Variants in GLYATL2 observed in about 807,000 individuals in gnomAD.
The protein encoded by GLYATL2 is glycine N-acyltransferase-like protein 2.
Under a neutral mutation model 21.4 loss-of-function variants are expected in GLYATL2, and 25 were observed. That is an observed-to-expected ratio of 1.17 (90% CI 0.85 to 1.63). GLYATL2 has a LOEUF of 1.63. Among genes scored for constraint, GLYATL2 ranks in the 40% most tolerant of loss-of-function variants. The pLI is 0.00. For missense variants in GLYATL2, 361 were observed against 343.3 expected (o/e 1.05, Z -0.41); for synonymous variants, 114 against 118.2 (o/e 0.96, Z 0.23).
chr11:58,834,262 G>T lies in GLYATL2; in HGVS notation c.*167C>A. 1 of 472,160 alleles carries T rather than the reference G, an allele frequency of 2.1e-6. No homozygotes were observed. The highest frequency in any genetic ancestry group is 3.6e-6 in the Non-Finnish European group (1 of 278,146). The allele number at this position is 472,160 out of a possible 1,614,324, so 29.2% of individuals were successfully genotyped here. ...CATAAAATTGAGCTTCTAATTTTCTGTAAGAATACAGAGGAGAAGGAAGGT... is the reference window on the plus strand; with the variant it reads ...CATAAAATTGAGCTTCTAATTTTCTTTAAGAATACAGAGGAGAAGGAAGGT... On this transcript the variant is annotated 3_prime_UTR_variant, in exon 6 of 6. Transcript: ENST00000287275.
chr11:58,846,394 CTGGTTT>C (rs1853644877), upstream of GLYATL2, among the ~76,000 whole-genome samples: 2 of 152,114 alleles, frequency 1.3e-5, no homozygotes, highest in African/African-American at 4.8e-5. Context: ...CTCATAGTAC[CTGGTTT>C]TGACTTCATA....
chr11:58,881,131 C>G (rs1854325929), intron 1 of GLYATL2, among the ~76,000 whole-genome samples: 1 of 152,120 alleles, frequency 6.6e-6, no homozygotes, highest in Non-Finnish European at 1.5e-5. Flanking sequence ...AAAAAACTAA[C>G]ATATGTTAAA....
chr11:58,909,386 T>C, the GLYATL2 span, among the ~76,000 whole-genome samples: 4 of 152,146 alleles, frequency 2.6e-5, no homozygotes, highest in Admixed American at 1.3e-4. Flanking sequence ...TTATGTTAAG[T>C]GTTCTTATTA....
intron 1 of GLYATL2, chr11:58,892,942 G>C (rs1233034252): frequency 3.4e-6 from 1 of 296,760 alleles, no homozygotes; most frequent in Admixed American, 5.1e-5. Flanking sequence ...TTCCTTTCTT[G>C]TGATGAATAA....
At chr11:58,887,930 C>A (rs937833598) in intron 1 of GLYATL2, among the ~76,000 whole-genome samples, 1 of 152,110 alleles carries the variant, frequency 6.6e-6, no homozygotes, top group Non-Finnish European at 1.5e-5. Context: ...CAAAGGATTC[C>A]ACAGTTTTAT....
upstream of GLYATL2, among the ~76,000 whole-genome samples, chr11:58,904,541 A>C (rs1473658414): frequency 3.3e-5 from 5 of 152,366 alleles, no homozygotes; most frequent in East Asian, 9.6e-4. Flanking sequence ...AATGAAAAGA[A>C]GATCAAGTCT....
At chr11:58,899,495 G>A (rs1476372048) in intron 1 of GLYATL2, among the ~76,000 whole-genome samples, 1 of 152,214 alleles carries the variant, frequency 6.6e-6, no homozygotes, top group African/African-American at 2.4e-5. Context: ...GACAGAAGAT[G>A]ATGGAGGGAG....
At chr11:58,909,782 C>G in the GLYATL2 span, among the ~76,000 whole-genome samples, 2 of 152,128 alleles carry the variant, frequency 1.3e-5, no homozygotes, top group Admixed American at 1.3e-4. Context: ...CTCCATATTG[C>G]TGGTAAAAAT....
intron 1 of GLYATL2, among the ~76,000 whole-genome samples, chr11:58,885,226 G>A (rs942209924): frequency 2.0e-5 from 3 of 152,186 alleles, no homozygotes; most frequent in Non-Finnish European, 4.4e-5. Flanking sequence ...TAGCTCTTTG[G>A]TATCACAAGG....
intron 5 of GLYATL2, among the ~76,000 whole-genome samples, chr11:58,836,733 C>A (rs1039858513): frequency 6.6e-6 from 1 of 152,074 alleles, no homozygotes; most frequent in South Asian, 2.1e-4. Context: ...TTTTGTAAGA[C>A]ATAAATAGTT....
chr11:58,903,181 G>A (rs1330609758), intron 1 of GLYATL2, among the ~76,000 whole-genome samples: 1 of 152,162 alleles, frequency 6.6e-6, no homozygotes, highest in Non-Finnish European at 1.5e-5. Context: ...CAAGGAGCAG[G>A]GAAGCTCTGG....
intron 1 of GLYATL2, among the ~76,000 whole-genome samples, chr11:58,872,647 T>G (rs1392284342): frequency 6.6e-6 from 1 of 152,248 alleles, no homozygotes; most frequent in Non-Finnish European, 1.5e-5. Flanking sequence ...GATCTATGTC[T>G]CTGTTTTGGT....
intron 1 of GLYATL2, among the ~76,000 whole-genome samples, chr11:58,891,007 A>G (rs1441932256): frequency 6.6e-6 from 1 of 152,020 alleles, no homozygotes; most frequent in African/African-American, 2.4e-5. Context: ...TATTCTTTTT[A>G]TAATTCTTTG....
intron 5 of GLYATL2, among the ~76,000 whole-genome samples, chr11:58,835,652 G>C (rs968944721): frequency 6.6e-6 from 1 of 152,060 alleles, no homozygotes; most frequent in Non-Finnish European, 1.5e-5. Flanking sequence ...AGTTTTCTAC[G>C]GGCGATGCTT....
chr11:58,859,884 C>T (rs1853901139), intron 1 of GLYATL2, among the ~76,000 whole-genome samples: 1 of 152,162 alleles, frequency 6.6e-6, no homozygotes, highest in East Asian at 1.9e-4. Flanking sequence ...GTTCACTCCT[C>T]ATTCATGTGT....
At chr11:58,858,821 T>G (rs1467081771) in intron 1 of GLYATL2, among the ~76,000 whole-genome samples, 2 of 152,198 alleles carry the variant, frequency 1.3e-5, no homozygotes, top group African/African-American at 2.4e-5. Flanking sequence ...TTTCCCAAAG[T>G]GTTGGCCACC....
intron 1 of GLYATL2, among the ~76,000 whole-genome samples, chr11:58,857,957 G>A (rs905212226): frequency 1.3e-5 from 2 of 150,072 alleles, no homozygotes; most frequent in African/African-American, 2.4e-5. Flanking sequence ...TGAGGAATTA[G>A]GTAGGCAAGG....
chr11:58,905,365 C>G (rs1001288696), upstream of GLYATL2: 7 of 412,306 alleles, frequency 1.7e-5, no homozygotes, highest in Non-Finnish European at 2.9e-5. Flanking sequence ...GGGTGGAGCT[C>G]TCTCTGCTGC....
chr11:58,872,192 T>C (rs1854134733), intron 1 of GLYATL2, among the ~76,000 whole-genome samples: 1 of 152,214 alleles, frequency 6.6e-6, no homozygotes, highest in Non-Finnish European at 1.5e-5. Flanking sequence ...TAGCCCTTTG[T>C]CAGATGAGTA....
Sources: allele counts gnomAD v4.1 joint callset (sites outside exome capture counted in the v4.1 genomes callset), GRCh38; gene constraint gnomAD v4.1.1; transcripts MANE v1.5; gene names NCBI Gene and HGNC (gene_info 2026-07-23, HGNC 2026-07-21).